DPT: variants seen among roughly 807,000 people sequenced by gnomAD.
DPT encodes dermatopontin.
A neutral mutation model predicts 31.2 loss-of-function variants in DPT; 21 were observed. The observed-to-expected ratio is 0.67, with a 90% confidence interval of 0.48 to 0.97. DPT has a LOEUF of 0.97. DPT is among the 50% of genes least tolerant of loss of function. The pLI is 0.00. For missense variants in DPT, 262 were observed against 258.8 expected (o/e 1.01, Z -0.08); for synonymous variants, 91 against 86.9 (o/e 1.05, Z -0.26).
At chr1:168,697,247 G>C (rs774577466) in intron 3 of DPT, among the ~76,000 whole-genome samples, 4 of 152,102 alleles carry the variant, frequency 2.6e-5, no homozygotes, top group Non-Finnish European at 5.9e-5. Flanking sequence ...CTGGGTGACA[G>C]AGTGAAACCC....
intron 1 of DPT, among the ~76,000 whole-genome samples, chr1:168,720,662 C>T (rs1455455855): frequency 6.6e-6 from 1 of 152,102 alleles, no homozygotes; most frequent in Non-Finnish European, 1.5e-5. Flanking sequence ...AGTTTCCAAC[C>T]CCACTGCAGA....
At chr1:168,696,854 C>G (rs1649480028) in intron 3 of DPT, among the ~76,000 whole-genome samples, 1 of 152,206 alleles carries the variant, frequency 6.6e-6, no homozygotes, top group Non-Finnish European at 1.5e-5. Flanking sequence ...GGCCTCTGTT[C>G]ATCACTGGTG....
chr1:168,714,236 C>T lies in DPT; in HGVS notation c.416G>A (p.Cys139Tyr), dbSNP rs1256948269. 6.2e-7 allele frequency: 1 copy of T among 1,614,048 alleles called. No individual in the cohort carries two copies. Among genetic ancestry groups the T allele is most frequent in the East Asian group, 2.2e-5 (1 of 44,878 alleles). ...QFYCCRYSKR[C>Y]PYSCWLTTEY... ...CCAGACTCACCAGCAGGAATATGGG[C>T]ACCTCTTGCTGTAGCGACAACAGTA... Residue 139 changes from cysteine (C) to tyrosine (Y), a missense_variant, in exon 2 of 4, where the codon TGC becomes TAC. By Grantham distance (194) the Cys-to-Tyr change is radical. Coordinates refer to ENST00000367817, the MANE Select transcript of DPT (RefSeq NM_001937.5).
intron 1 of DPT, among the ~76,000 whole-genome samples, chr1:168,727,424 C>T (rs765078965): frequency 5.9e-5 from 9 of 152,140 alleles, no homozygotes; most frequent in African/African-American, 9.7e-5. Context: ...CTTAAAGGCC[C>T]GCTCTCTTTC....
At position 168,728,922 on chromosome 1, in the gene DPT, C is replaced by T. The variant is rs141195546; in HGVS notation, c.253G>A (p.Gly85Arg). The change falls in exon 1 of 4, where the codon GGG (glycine) becomes AGG (arginine). Residue 85 changes from glycine (G) to arginine (R), a missense_variant. By Grantham distance (125) the Gly-to-Arg change is moderately radical. Transcript: ENST00000367817. ...YACMPTPQSL[G>R]EPTECWWEEI... ...TCCCACCAGCACTCCGTGGGTTCCCCGAGGCTCTGTGGCGTGGGCATGCAG... is the reference window on the plus strand; with the variant it reads ...TCCCACCAGCACTCCGTGGGTTCCCTGAGGCTCTGTGGCGTGGGCATGCAG... The T allele has an allele frequency of 1.2e-4, 197 of 1,614,172 alleles. No individual in the cohort carries two copies. In the African/African-American group the frequency reaches 2.0e-3, roughly 16 times the overall value.
At chr1:168,725,667 A>C (rs1205834259) in intron 1 of DPT, among the ~76,000 whole-genome samples, 1 of 152,206 alleles carries the variant, frequency 6.6e-6, no homozygotes, top group Admixed American at 6.5e-5. Context: ...AGAAGCCGGC[A>C]CTTGAAGAGG....
At chr1:168,720,969 T>A (rs1294948081) in intron 1 of DPT, among the ~76,000 whole-genome samples, 1 of 152,242 alleles carries the variant, frequency 6.6e-6, no homozygotes, top group East Asian at 1.9e-4. Context: ...GATGCTGCAC[T>A]TGGTCTGGAA....
At chr1:168,719,434 G>A (rs957434436) in intron 1 of DPT, among the ~76,000 whole-genome samples, 8 of 152,152 alleles carry the variant, frequency 5.3e-5, no homozygotes, top group Admixed American at 4.6e-4. Context: ...CAGGACTGGG[G>A]GAACTGTCAG....
rs532294472 is a variant in DPT, at chr1:168,695,631, T to C, written c.*918A>G. The C allele has an allele frequency of 6.6e-6, 1 of 152,158 alleles. No individual in the cohort carries two copies. Among genetic ancestry groups the C allele is most frequent in the Non-Finnish European group, 1.5e-5 (1 of 68,074 alleles). 9.4% of individuals were successfully genotyped at this position (152,158 alleles called of 1,614,324 possible). A position where few individuals can be genotyped will look rare whatever the true frequency, so the allele number is the denominator to read the frequency against. On this transcript the variant is annotated 3_prime_UTR_variant, in exon 4 of 4. Transcript: ENST00000367817. ...AGGGCAGCCTTTCCCACCAAAAAAA[T>C]CAGGCCCAATCCAGGAGAGTTTGCC...
At chr1:168,727,967 C>T (rs73032097) in intron 1 of DPT, among the ~76,000 whole-genome samples, 4,121 of 152,188 alleles carry the variant, frequency 0.027, 199 homozygotes, top group African/African-American at 0.094. Flanking sequence ...CTGCCTCCTC[C>T]GTTCTCTCCT....
chr1:168,715,257 T>C (rs1649955267), intron 1 of DPT, among the ~76,000 whole-genome samples: 1 of 152,250 alleles, frequency 6.6e-6, no homozygotes, highest in Admixed American at 6.5e-5. Context: ...CTTAGAATAG[T>C]ACAATCATTT....
Position 168,729,176 on chromosome 1 carries a change from C to G in DPT, c.-2G>C, listed in dbSNP as rs760063845. 4 of 1,610,894 alleles carry G rather than the reference C, an allele frequency of 2.5e-6. No homozygotes were observed. Among genetic ancestry groups the G allele is most frequent in the Non-Finnish European group, 3.4e-6 (4 of 1,177,984 alleles). On this transcript the variant is annotated 5_prime_UTR_variant, in exon 1 of 4. Coordinates refer to ENST00000367817, the MANE Select transcript of DPT (RefSeq NM_001937.5). ...TACCCAGAGAAGACTGAGGTCCATG[C>G]TGCCTGGGATTTTGGCAAACAATGT...
chr1:168,707,813 C>T (rs1257455776), intron 2 of DPT, among the ~76,000 whole-genome samples: 2 of 152,136 alleles, frequency 1.3e-5, no homozygotes, highest in Non-Finnish European at 2.9e-5. Context: ...GTTTGCTTCT[C>T]CTTCTGCCAT....
chr1:168,725,253 C>CCTTTCCTTTCCTTTT (rs61039105), intron 1 of DPT, among the ~76,000 whole-genome samples: 1 of 50,428 alleles, frequency 2.0e-5, no homozygotes, highest in African/African-American at 7.7e-5. Flanking sequence ...CCTTTCCTTT[C>CCTTTCCTTTCCTTTT]TCTTTCCCTT....
intron 2 of DPT, among the ~76,000 whole-genome samples, chr1:168,710,956 C>T (rs1557848380): frequency 6.6e-6 from 1 of 151,872 alleles, no homozygotes; most frequent in Non-Finnish European, 1.5e-5. Flanking sequence ...TTCTCTCACA[C>T]TTACCTTCAT....
At chr1:168,716,375 T>C (rs939339597) in intron 1 of DPT, among the ~76,000 whole-genome samples, 5 of 152,154 alleles carry the variant, frequency 3.3e-5, no homozygotes, top group African/African-American at 1.2e-4. Flanking sequence ...GAATTCCCTG[T>C]TCCCAGGACT....
At chr1:168,697,001 C>A (rs1649482343) in intron 3 of DPT, among the ~76,000 whole-genome samples, 1 of 152,144 alleles carries the variant, frequency 6.6e-6, no homozygotes, top group Non-Finnish European at 1.5e-5. Context: ...GTAGCTAACA[C>A]CTGCAATCCT....
Position 168,695,489 on chromosome 1 carries a change from T to C in DPT, c.*1060A>G, listed in dbSNP as rs527558821. On this transcript the variant is annotated 3_prime_UTR_variant, in exon 4 of 4. Transcript: ENST00000367817. ...AGCATAGTGAACGTTAATATTTTTA[T>C]TTCTTTTGTAATGAAGAGTACAAAT... The C allele has an allele frequency of 8.5e-5, 13 of 152,292 alleles. No individual in the cohort carries two copies. Among genetic ancestry groups the C allele is most frequent in the African/African-American group, 2.4e-4 (10 of 41,540 alleles). The allele number at this position is 152,292 out of a possible 1,614,324, so 9.4% of individuals were successfully genotyped here. A position where few individuals can be genotyped will look rare whatever the true frequency, so the allele number is the denominator to read the frequency against.
At chr1:168,710,856 A>G (rs564192698) in intron 2 of DPT, among the ~76,000 whole-genome samples, 58 of 152,186 alleles carry the variant, frequency 3.8e-4, no homozygotes, top group Non-Finnish European at 7.5e-4. Flanking sequence ...AGACAGGATA[A>G]GCTTCAAGAA....
Sources: gnomAD v4.1 joint callset for allele counts (sites outside exome capture counted in the v4.1 genomes callset) on GRCh38, gnomAD v4.1.1 for gene constraint, MANE v1.5 for transcripts, NCBI Gene and HGNC (gene_info 2026-07-23, HGNC 2026-07-21) for gene names.